The following VPS13D variants were observed in gnomAD, a reference collection of about 807,000 sequenced individuals.
The protein encoded by VPS13D is intermembrane lipid transfer protein VPS13D.
In VPS13D, 187 loss-of-function variants were observed where a neutral mutation model predicts 461.9. The ratio of observed to expected loss-of-function variants is 0.40; its 90% CI spans 0.36 to 0.46. VPS13D has a LOEUF of 0.46. VPS13D is among the 20% of genes least tolerant of loss of function. The pLI is 0.60. For synonymous variants in VPS13D, 1,951 were observed against 1,986.3 expected, an observed-to-expected ratio of 0.98 and a Z score of 0.47; for missense variants, 4,711 against 5,364.9, an observed-to-expected ratio of 0.88 and a Z score of 3.81.
In VPS13D at chr1:12,242,043, G is replaced by T. The variant is rs889138528; in HGVS notation, c.98-470G>T. On this transcript the variant is annotated intron_variant, in intron 2 of 69. Transcript: ENST00000620676. ...CGGCCACATCTGGCCTGCAGACTAAGAATGGTTTTTGCATTTTTAAAGGTT... is the reference window on the plus strand; with the variant it reads ...CGGCCACATCTGGCCTGCAGACTAATAATGGTTTTTGCATTTTTAAAGGTT... Among the ~76,000 whole-genome samples, 5 of 151,908 alleles carry T rather than the reference G, an allele frequency of 3.3e-5. No individual in the cohort carries two copies. The East Asian group carries it at 9.7e-4, about 29-fold the overall frequency.
rs558900013 is a variant in VPS13D, at chr1:12,392,939, G to A, written c.11634+6605G>A. On this transcript the variant is annotated intron_variant, in intron 60 of 69. Transcript: ENST00000620676. ...GCCTTTCGGGTCACTTAATAAATGG[G>A]CCGGAGTAATACACCCAAATGAGGA... Among the ~76,000 whole-genome samples the A allele has an allele frequency of 2.0e-5, 3 of 152,298 alleles. No individual in the cohort carries two copies. In the South Asian group the frequency reaches 6.2e-4, roughly 32 times the overall value.
chr1:12,261,415 A>G (rs1641104420), intron 12 of VPS13D, among the ~76,000 whole-genome samples: 1 of 152,240 alleles, frequency 6.6e-6, no homozygotes, highest in Admixed American at 6.5e-5. Flanking sequence ...TAAACTCTGA[A>G]GTTTGAATAC....
chr1:12,368,703 CTA>C (rs974144565), intron 53 of VPS13D, 112 bp downstream of exon 53: 74 of 1,272,524 alleles, frequency 5.8e-5, no homozygotes, highest in Middle Eastern at 2.2e-4. Flanking sequence ...TTAAAGGAAA[CTA>C]TATGGATAGG....
intron 56 of VPS13D, among the ~76,000 whole-genome samples, chr1:12,379,115 G>A (rs1644239321): frequency 6.6e-6 from 1 of 152,122 alleles, no homozygotes; most frequent in South Asian, 2.1e-4. Flanking sequence ...TTACAAGTTA[G>A]AACAGAAAAG....
chr1:12,469,259 A>G (rs558778615), intron 67 of VPS13D, among the ~76,000 whole-genome samples: 3 of 152,274 alleles, frequency 2.0e-5, no homozygotes, highest in South Asian at 2.1e-4. Flanking sequence ...CCTAAAACCT[A>G]TTTGTATATA....
intron 63 of VPS13D, among the ~76,000 whole-genome samples, chr1:12,406,262 T>C (rs1644653164): frequency 6.6e-6 from 1 of 151,570 alleles, no homozygotes; most frequent in Non-Finnish European, 1.5e-5. Flanking sequence ...CATAAAATAA[T>C]GTCATTTATT....
At chr1:12,356,671 A>AT in intron 49 of VPS13D, 147 bp downstream of exon 49, 1 of 1,017,302 alleles carries the variant, frequency 9.8e-7, no homozygotes, top group Non-Finnish European at 1.3e-6. Flanking sequence ...ACCTAATGGG[A>AT]TTTTTGGGGA....
At chr1:12,484,916 T>C (rs981570593) in intron 67 of VPS13D, among the ~76,000 whole-genome samples, 2 of 152,174 alleles carry the variant, frequency 1.3e-5, no homozygotes, top group African/African-American at 4.8e-5. Context: ...AGTTCGTCTC[T>C]TATGTTCTGC....
At chr1:12,453,825 A>G (rs781455129) in intron 65 of VPS13D, 3 of 152,098 alleles carry the variant, frequency 2.0e-5, no homozygotes, top group Non-Finnish European at 4.4e-5. Flanking sequence ...AAGACATTCT[A>G]CCTTGGGTTG....
intron 26 of VPS13D, among the ~76,000 whole-genome samples, chr1:12,307,543 G>C (rs985754834): frequency 6.6e-6 from 1 of 152,100 alleles, no homozygotes; most frequent in African/African-American, 2.4e-5. Flanking sequence ...GCCCAGGCTG[G>C]AGTGCAGTGG....
intron 19 of VPS13D, among the ~76,000 whole-genome samples, chr1:12,278,976 T>TA (rs1196542623): frequency 6.6e-6 from 1 of 152,216 alleles, no homozygotes; most frequent in African/African-American, 2.4e-5. Context: ...TTTGAGAACT[T>TA]ACCCTTCTGT....
chr1:12,260,649 A>T (rs750007705), intron 10 of VPS13D, 44 bp from the exon 11 acceptor site: 9 of 1,557,272 alleles, frequency 5.8e-6, no homozygotes, highest in Admixed American at 1.7e-5. Flanking sequence ...TGGATCTACA[A>T]CGTTTGTGTT....
In VPS13D at chr1:12,249,223, T is replaced by C. The variant is rs1230205916; in HGVS notation, c.448T>C (p.Leu150=). 1 of 1,609,722 alleles carries C rather than the reference T, an allele frequency of 6.2e-7. No individual in the cohort carries two copies. The highest frequency in any genetic ancestry group is 1.7e-5 in the Admixed American group (1 of 59,216). The change falls in exon 6 of 70, where the codon TTA becomes CTA. Residue 150 remains leucine (L), a splice_region_variant and synonymous_variant. Transcript: ENST00000620676. The stretch of plus-strand genomic sequence containing the variant: ...TGCTTTTTCTTTTTTCTCTTTGCAG[T>C]TAAAAATTCAAGATGTCCATTTACG... ...VVTRIVENIE[L]KIQDVHLRFE...
intron 67 of VPS13D, among the ~76,000 whole-genome samples, chr1:12,493,298 C>T (rs1015338257): frequency 5.3e-5 from 8 of 151,348 alleles, no homozygotes; most frequent in South Asian, 4.2e-4. Context: ...GTGGCTAACA[C>T]GGTGAAACCC....
chr1:12,284,632 G>A (rs1357005048), intron 21 of VPS13D, among the ~76,000 whole-genome samples: 1 of 152,222 alleles, frequency 6.6e-6, no homozygotes, highest in Non-Finnish European at 1.5e-5. Flanking sequence ...GGCCGTGGCT[G>A]GTAACATTTG....
chr1:12,287,258 C>A (rs950203269), intron 21 of VPS13D, among the ~76,000 whole-genome samples: 1 of 152,150 alleles, frequency 6.6e-6, no homozygotes. Context: ...AACTGGAGTT[C>A]CCCCCACAAA....
chr1:12,498,840 G>A (rs148320321), intron 68 of VPS13D, among the ~76,000 whole-genome samples: 29 of 152,204 alleles, frequency 1.9e-4, no homozygotes, highest in African/African-American at 6.7e-4. Flanking sequence ...TCTTATAAGG[G>A]TACTAATCCT....
intron 1 of VPS13D, among the ~76,000 whole-genome samples, chr1:12,232,230 A>T (rs1640002872): frequency 6.6e-6 from 1 of 152,218 alleles, no homozygotes; most frequent in African/African-American, 2.4e-5. Context: ...GTCACTGTTG[A>T]CCAATAAAAG....
intron 60 of VPS13D, among the ~76,000 whole-genome samples, 156 bp from the exon 61 acceptor site, chr1:12,400,025 G>T (rs1015101956): frequency 6.6e-6 from 1 of 152,048 alleles, no homozygotes; most frequent in African/African-American, 2.4e-5. Context: ...ACTTTATTAT[G>T]ACTGCCCTTT....
Sources: gnomAD v4.1 joint callset for allele counts (sites outside exome capture counted in the v4.1 genomes callset) on GRCh38, gnomAD v4.1.1 for gene constraint, MANE v1.5 for transcripts, NCBI Gene and HGNC (gene_info 2026-07-23, HGNC 2026-07-21) for gene names.